The following BLMH variants were observed in gnomAD, a reference collection of about 807,000 sequenced individuals.
BLMH encodes the protein BLM hydrolase.
In BLMH, 32 loss-of-function variants were observed where a neutral mutation model predicts 61.6. The ratio of observed to expected loss-of-function variants is 0.52; its 90% CI spans 0.39 to 0.70. BLMH has a LOEUF of 0.70. Among genes scored for constraint, BLMH ranks in the 30% least tolerant of loss-of-function variants. BLMH has a pLI of 0.00. For missense variants in BLMH, 460 were observed against 555.5 expected (o/e 0.83, Z 1.73); for synonymous variants, 183 against 193.8 (o/e 0.94, Z 0.46).
At chr17:30,249,336 A>C (rs1455255012) in intron 11 of BLMH, 168 bp from the exon 12 acceptor site, 1 of 762,100 alleles carries the variant, frequency 1.3e-6, no homozygotes, top group Non-Finnish European at 2.0e-6. Flanking sequence ...TGTGAAGCAG[A>C]TAGGACAGGC....
intron 6 of BLMH, among the ~76,000 whole-genome samples, chr17:30,283,670 T>C (rs558687151): frequency 3.3e-5 from 5 of 151,974 alleles, no homozygotes; most frequent in Admixed American, 1.3e-4. Context: ...TACAGGCGCA[T>C]ACCACCACGC....
chr17:30,274,226 A>G, intron 6 of BLMH, 29 bp from the exon 7 acceptor site: 4 of 1,608,916 alleles, frequency 2.5e-6, no homozygotes, highest in Non-Finnish European at 3.4e-6. Flanking sequence ...AAAGGCGAGC[A>G]ATGGTTAGGG....
intron 11 of BLMH, among the ~76,000 whole-genome samples, chr17:30,264,942 C>A (rs1908059351): frequency 6.6e-6 from 1 of 152,166 alleles, no homozygotes. Context: ...GAGGTTTAAA[C>A]CCTTCTCTAC....
At position 30,291,412 on chromosome 17, in the gene BLMH, A is replaced by G; in HGVS notation, c.110T>C (p.Leu37Pro). 6.2e-7 allele frequency: 1 copy of G among 1,614,212 alleles called. No homozygotes were observed. The highest frequency in any genetic ancestry group is 8.5e-7 in the Non-Finnish European group (1 of 1,180,052). Residue 37 changes from leucine to proline, a missense_variant, in exon 2 of 12, where the codon CTG becomes CCG. Physicochemically the swap from Leu to Pro is moderately conservative, Grantham distance 98. Around this residue, in one of 5 missense-constraint regions of BLMH, gnomAD observed 86 missense variants for 84.5 expected, o/e 1.02. Coordinates refer to ENST00000261714, the MANE Select transcript of BLMH (RefSeq NM_000386.4). ...CGTGGCCCGCTTCAGACAGATGTCC[A>G]GCAGGTCGTGGGTGGTCCCGACATT... ...AQNVGTTHDLLDICLKRATVQ... is the reference protein window; with the variant it reads ...AQNVGTTHDLPDICLKRATVQ...
chr17:30,275,830 CCA>C (rs1180899125), intron 6 of BLMH, among the ~76,000 whole-genome samples: 8 of 152,192 alleles, frequency 5.3e-5, no homozygotes, highest in African/African-American at 1.9e-4. Flanking sequence ...CCTTTTGCAC[CCA>C]CAGTCACCAC....
Position 30,272,342 on chromosome 17 carries a change from C to T in BLMH, c.1028+219G>A, listed in dbSNP as rs1230449423. 11 of 581,476 alleles carry T rather than the reference C, an allele frequency of 1.9e-5. No individual in the cohort carries two copies. The East Asian group carries it at 3.0e-4, about 16-fold the overall frequency. The allele number at this position is 581,476 out of a possible 1,614,324, so 36.0% of individuals were successfully genotyped here. ...TTAGGAACGCCCAACGATTTCCACT[C>T]AGATAGAAAGTGGGATTTTGATGTC... is the stretch of plus-strand genomic sequence containing the variant. On this transcript the variant is annotated intron_variant, in intron 9 of 11. Transcript: ENST00000261714.
At position 30,270,708 on chromosome 17, in the gene BLMH, GAT is replaced by G. The variant is rs1908245342; in HGVS notation, c.1146+561_1146+562del. Among the ~76,000 whole-genome samples, 6 of 152,208 alleles carry G rather than the reference GAT, an allele frequency of 3.9e-5. No homozygotes were observed. The South Asian group carries it at 1.0e-3, about 26-fold the overall frequency. On this transcript the variant is annotated intron_variant, in intron 10 of 11. Coordinates refer to ENST00000261714, the MANE Select transcript of BLMH (RefSeq NM_000386.4). Reference sequence around the variant, plus strand: ...GGAAGTGAGGAGTTTATTTGTGAAAGATAAAATTTCAGTTGTTTCCAACTCTA... The same window carrying G: ...GGAAGTGAGGAGTTTATTTGTGAAAGAAAATTTCAGTTGTTTCCAACTCTA...
intron 11 of BLMH, among the ~76,000 whole-genome samples, chr17:30,266,273 A>G (rs1215591514): frequency 6.6e-6 from 1 of 152,126 alleles, no homozygotes; most frequent in Non-Finnish European, 1.5e-5. Flanking sequence ...CACACCTGTA[A>G]TCCTAGCACT....
In BLMH at chr17:30,249,037, T is replaced by C; in HGVS notation, c.1348A>G (p.Met450Val). ...EPIILPAWDPMGALAE is the reference protein window; with the variant it reads ...EPIILPAWDPVGALAE Reference sequence around the variant, plus strand: ...CAGTATCACTCAGCCAAAGCTCCCATGGGGTCCCATGCTGGCAGGATAATG... The same window carrying C: ...CAGTATCACTCAGCCAAAGCTCCCACGGGGTCCCATGCTGGCAGGATAATG... Residue 450 changes from methionine (M) to valine (V), a missense_variant, in exon 12 of 12, where the codon ATG becomes GTG. Met to Val is a conservative substitution (Grantham distance 21). Coordinates refer to ENST00000261714, the MANE Select transcript of BLMH (RefSeq NM_000386.4). 1.9e-6 allele frequency: 3 copies of C among 1,614,026 alleles called. No individual in the cohort carries two copies. Among genetic ancestry groups the C allele is most frequent in the Non-Finnish European group, 2.5e-6 (3 of 1,179,942 alleles).
chr17:30,252,269 G>A (rs1241937091), intron 11 of BLMH: 2 of 152,082 alleles, frequency 1.3e-5, no homozygotes, highest in Non-Finnish European at 1.5e-5. Flanking sequence ...ATGCTAAAAG[G>A]TGTGACAAAG....
At position 30,273,098 on chromosome 17, in the gene BLMH, C is replaced by T. The variant is rs76770102; in HGVS notation, c.802-199G>A. The T allele has an allele frequency of 3.7e-3, 2,114 of 568,548 alleles. 37 individuals carry two copies. The highest frequency in any genetic ancestry group is 0.035 in the African/African-American group (1,883 of 53,132). The allele number at this position is 568,548 out of a possible 1,614,324, so 35.2% of individuals were successfully genotyped here. A position where few individuals can be genotyped will look rare whatever the true frequency, so the allele number is the denominator to read the frequency against. On this transcript the variant is annotated intron_variant, in intron 7 of 11. Transcript: ENST00000261714. ...AGAGGTCCTTGCTTATTCTAATTCG[C>T]GTAAGAGACACAATTAGGAGGTGCA...
chr17:30,291,421 T>C lies in BLMH; in HGVS notation c.101A>G (p.His34Arg). 6.2e-7 allele frequency: 1 copy of C among 1,614,200 alleles called. No individual in the cohort carries two copies. The highest frequency in any genetic ancestry group is 8.5e-7 in the Non-Finnish European group (1 of 1,180,028). Residue 34 changes from histidine to arginine, a missense_variant, in exon 2 of 12, where the codon CAC (histidine) becomes CGC (arginine). His to Arg is a conservative substitution (Grantham distance 29, BLOSUM62 0). Coordinates refer to ENST00000261714, the MANE Select transcript of BLMH (RefSeq NM_000386.4). ...FVLAQNVGTT[H>R]DLLDICLKRA... ...CTTCAGACAGATGTCCAGCAGGTCGTGGGTGGTCCCGACATTCTGGGCAAG... is the reference window on the plus strand; with the variant it reads ...CTTCAGACAGATGTCCAGCAGGTCGCGGGTGGTCCCGACATTCTGGGCAAG...
intron 11 of BLMH, among the ~76,000 whole-genome samples, chr17:30,262,712 G>A (rs896364630): frequency 1.1e-4 from 17 of 152,086 alleles, no homozygotes; most frequent in African/African-American, 3.4e-4. Context: ...GGAGAATGGC[G>A]TGAACCTGGG....
intron 6 of BLMH, among the ~76,000 whole-genome samples, chr17:30,277,616 AT>A (rs1380331675): frequency 6.6e-6 from 1 of 152,254 alleles, no homozygotes; most frequent in Admixed American, 6.5e-5. Context: ...AGGAGAGGCA[AT>A]GCCAGGCCCA....
chr17:30,283,235 T>G (rs911678021), intron 6 of BLMH, among the ~76,000 whole-genome samples: 2 of 152,168 alleles, frequency 1.3e-5, no homozygotes, highest in Non-Finnish European at 2.9e-5. Flanking sequence ...TAAATAATCC[T>G]ATAAAACATT....
At chr17:30,267,984 C>T (rs987789834) in intron 10 of BLMH, among the ~76,000 whole-genome samples, 1 of 152,162 alleles carries the variant, frequency 6.6e-6, no homozygotes, top group African/African-American at 2.4e-5. Context: ...AATTTTCTGT[C>T]TCACAAATAG....
At chr17:30,250,822 G>C (rs1166513546) in intron 11 of BLMH, among the ~76,000 whole-genome samples, 1 of 152,058 alleles carries the variant, frequency 6.6e-6, no homozygotes, top group Non-Finnish European at 1.5e-5. Context: ...ACAAAAACAT[G>C]GAACCAACCT....
chr17:30,287,764 A>C, intron 4 of BLMH, 42 bp downstream of exon 4: 1 of 1,607,718 alleles, frequency 6.2e-7, no homozygotes, highest in Non-Finnish European at 8.5e-7. Flanking sequence ...AGGCTTACTT[A>C]ATCATGCTGA....
intron 9 of BLMH, among the ~76,000 whole-genome samples, chr17:30,271,789 TTAAA>T (rs1224408822): frequency 1.3e-5 from 2 of 152,168 alleles, no homozygotes; most frequent in Non-Finnish European, 1.5e-5. Flanking sequence ...TGATTAAAAT[TTAAA>T]TAAATAATGT....
Sources: allele counts gnomAD v4.1 joint callset (sites outside exome capture counted in the v4.1 genomes callset), GRCh38; gene constraint gnomAD v4.1.1; regional missense constraint gnomAD v4.1.1; transcripts MANE v1.5; gene names NCBI Gene and HGNC (gene_info 2026-07-23, HGNC 2026-07-21).